Variants in PTPRD observed in about 807,000 individuals in gnomAD.
PTPRD encodes the protein protein tyrosine phosphatase receptor type D, also known as receptor-type tyrosine-protein phosphatase delta.
Under a neutral mutation model 214.5 loss-of-function variants are expected in PTPRD, and 34 were observed. The ratio of observed to expected loss-of-function variants is 0.16; its 90% CI spans 0.12 to 0.21. PTPRD has a LOEUF of 0.21. Ranked by LOEUF, PTPRD falls within the 10% of genes least tolerant of loss-of-function variation. The pLI is 1.00. For missense variants in PTPRD, 2,545 were observed against 2,398.7 expected, an observed-to-expected ratio of 1.06 and a Z score of -1.27; for synonymous variants, 1,128 against 845.7, an observed-to-expected ratio of 1.33 and a Z score of -5.79.
intron 4 of PTPRD, among the ~76,000 whole-genome samples, chr9:9,990,441 C>T (rs920853149): frequency 6.6e-6 from 1 of 152,164 alleles, no homozygotes; most frequent in East Asian, 1.9e-4. Flanking sequence ...AGTGAGGGGG[C>T]TTGGCGGCTC....
chr9:9,294,837 G>T (rs1274123082), intron 9 of PTPRD, among the ~76,000 whole-genome samples: 1 of 151,496 alleles, frequency 6.6e-6, no homozygotes, highest in Non-Finnish European at 1.5e-5. Context: ...ATTAAGATTA[G>T]GCATAAATTT....
At chr9:9,349,293 A>G (rs2050168669) in intron 9 of PTPRD, among the ~76,000 whole-genome samples, 1 of 152,110 alleles carries the variant, frequency 6.6e-6, no homozygotes, top group Non-Finnish European at 1.5e-5. Flanking sequence ...GGGCTAGCTT[A>G]TCTACCAGTC....
chr9:9,050,958 C>G (rs1454632337), intron 10 of PTPRD, among the ~76,000 whole-genome samples: 1 of 152,108 alleles, frequency 6.6e-6, no homozygotes, highest in Non-Finnish European at 1.5e-5. Flanking sequence ...AAGTATCCCC[C>G]ATGAATAACT....
chr9:8,425,421 C>T (rs1051785682), intron 35 of PTPRD, among the ~76,000 whole-genome samples: 8 of 145,406 alleles, frequency 5.5e-5, no homozygotes, highest in African/African-American at 2.0e-4. Flanking sequence ...AATCACCTTT[C>T]ACACCTCACC....
intron 11 of PTPRD, among the ~76,000 whole-genome samples, chr9:8,843,281 T>C (rs2097602060): frequency 1.3e-5 from 2 of 152,242 alleles, no homozygotes; most frequent in Admixed American, 6.5e-5. Context: ...TTAGGCAAAA[T>C]GCACAGAATC....
At chr9:9,340,999 T>C (rs2046571631) in intron 9 of PTPRD, among the ~76,000 whole-genome samples, 1 of 152,194 alleles carries the variant, frequency 6.6e-6, no homozygotes, top group South Asian at 2.1e-4. Context: ...GAATGTGGTA[T>C]GTATACAAAA....
intron 11 of PTPRD, among the ~76,000 whole-genome samples, chr9:8,916,239 G>C (rs1213620711): frequency 1.3e-5 from 2 of 152,086 alleles, no homozygotes; most frequent in African/African-American, 2.4e-5. Context: ...ATCAGCACAG[G>C]TAGAGAGGGA....
chr9:9,968,756 AC>A (rs2154039374), intron 4 of PTPRD, among the ~76,000 whole-genome samples: 1 of 152,330 alleles, frequency 6.6e-6, no homozygotes, highest in South Asian at 2.1e-4. Flanking sequence ...AACCAAACAA[AC>A]AAAAAATTAG....
chr9:10,091,387 T>C (rs2098427969), intron 3 of PTPRD, among the ~76,000 whole-genome samples: 1 of 151,576 alleles, frequency 6.6e-6, no homozygotes, highest in African/African-American at 2.4e-5. Flanking sequence ...ACCAATTCAT[T>C]ACTGAACTAT....
At chr9:10,082,812 TACAC>T (rs776251264) in intron 3 of PTPRD, among the ~76,000 whole-genome samples, 95 of 138,580 alleles carry the variant, frequency 6.9e-4, no homozygotes, top group Middle Eastern at 3.8e-3. Context: ...CTACTCCTCC[TACAC>T]ACACACACAC....
Position 10,102,138 on chromosome 9 carries a change from G to T in PTPRD, c.-544-68348C>A, listed in dbSNP as rs532105220. 1.3e-4 allele frequency among the ~76,000 whole-genome samples: 20 copies of T among 151,730 alleles called. No homozygotes were observed. The South Asian group carries it at 3.7e-3, about 28-fold the overall frequency. On this transcript the variant is annotated intron_variant, in intron 3 of 45. Coordinates refer to ENST00000381196, the MANE Select transcript of PTPRD (RefSeq NM_002839.4). ...ATTTGAGAGCTTTTATAAATCGGTT[G>T]TTCCCCCACATTGATTACATGACCA...
chr9:9,419,175 T>C (rs1587881039), intron 8 of PTPRD, among the ~76,000 whole-genome samples: 1 of 146,506 alleles, frequency 6.8e-6, no homozygotes, highest in East Asian at 2.0e-4. Flanking sequence ...AAGCATGATA[T>C]ATATATATAA....
chr9:9,842,940 GGTT>G (rs2058683698), intron 5 of PTPRD, among the ~76,000 whole-genome samples: 1 of 151,874 alleles, frequency 6.6e-6, no homozygotes, highest in South Asian at 2.1e-4. Flanking sequence ...CTTTCTATAC[GGTT>G]GTATATATAA....
At chr9:9,938,453 AAATACAC>A (rs1219580201) in intron 5 of PTPRD, 47 bp downstream of exon 5, 3 of 152,154 alleles carry the variant, frequency 2.0e-5, no homozygotes, top group African/African-American at 7.2e-5. Flanking sequence ...GAAGTCCAAA[AAATACAC>A]ATCTTGTGTC....
At chr9:9,451,302 A>G (rs569215665) in intron 8 of PTPRD, among the ~76,000 whole-genome samples, 2 of 151,950 alleles carry the variant, frequency 1.3e-5, no homozygotes, top group South Asian at 4.1e-4. Context: ...AGGCTATAGG[A>G]AAACACTTCA....
chr9:9,829,684 C>A (rs1003039224), intron 5 of PTPRD, among the ~76,000 whole-genome samples: 2 of 151,808 alleles, frequency 1.3e-5, no homozygotes, highest in African/African-American at 4.8e-5. Context: ...ATTTTAGACA[C>A]TGAATGTTTC....
rs566133219 is a variant in PTPRD at position 8,504,946 on chromosome 9, G to C, written c.1678-541C>G. On this transcript the variant is annotated intron_variant, in intron 22 of 45. Coordinates refer to ENST00000381196, the MANE Select transcript of PTPRD (RefSeq NM_002839.4). ...TATAAAAGAGATTTGAAATTGCCAA[G>C]TTTTAATGGGTAAAATATCACGTTA... Among the ~76,000 whole-genome samples, 30 of 152,258 alleles carry C rather than the reference G, an allele frequency of 2.0e-4. 1 individual carries two copies. The South Asian group carries it at 6.2e-3, about 32-fold the overall frequency.
chr9:10,387,278 G>A (rs1482877330), intron 2 of PTPRD, among the ~76,000 whole-genome samples: 4 of 151,690 alleles, frequency 2.6e-5, no homozygotes, highest in East Asian at 2.0e-4. Flanking sequence ...CTCCAATAAT[G>A]CCTGTGTCTT....
intron 10 of PTPRD, among the ~76,000 whole-genome samples, chr9:9,166,998 C>T (rs1454794675): frequency 1.3e-5 from 2 of 149,750 alleles, no homozygotes; most frequent in African/African-American, 4.9e-5. Context: ...GTACTGTGTG[C>T]ACAGTACTAA....
Sources: allele counts gnomAD v4.1 joint callset (sites outside exome capture counted in the v4.1 genomes callset), GRCh38; gene constraint gnomAD v4.1.1; transcripts MANE v1.5; gene names NCBI Gene and HGNC (gene_info 2026-07-23, HGNC 2026-07-21).